Variants in ADCY9 observed in about 807,000 individuals in gnomAD.
ADCY9 encodes adenylate cyclase 9, also known as adenylate cyclase type 9.
ADCY9 carries 50 observed loss-of-function variants against 101.5 expected under a neutral mutation model. The ratio of observed to expected loss-of-function variants is 0.49; its 90% CI spans 0.39 to 0.62. The LOEUF is 0.62. Ranked by LOEUF, ADCY9 falls within the 20% of genes least tolerant of loss-of-function variation. The pLI is 0.00. For synonymous variants in ADCY9, 905 were observed against 769.3 expected (o/e 1.18, Z -2.92); for missense variants, 1,662 against 1,800.4 (o/e 0.92, Z 1.39).
At chr16:4,042,207 G>C (rs112939773) in intron 2 of ADCY9, among the ~76,000 whole-genome samples, 2,183 of 152,140 alleles carry the variant, frequency 0.014, 28 homozygotes, top group African/African-American at 0.026. Context: ...ACAAGCGTGA[G>C]CCACGGCGCC....
intron 10 of ADCY9, among the ~76,000 whole-genome samples, chr16:3,967,482 C>A (rs2056009606): frequency 6.6e-6 from 1 of 151,976 alleles, no homozygotes; most frequent in African/African-American, 2.4e-5. Flanking sequence ...CCTTAAACTC[C>A]TGGGCTCAAA....
intron 2 of ADCY9, among the ~76,000 whole-genome samples, chr16:4,068,650 TAA>T (rs543931236): frequency 1.7e-3 from 261 of 151,840 alleles, no homozygotes; most frequent in African/African-American, 6.1e-3. Flanking sequence ...CCGTCTCTAC[TAA>T]AAATACAAAA....
chr16:4,094,480 A>C (rs2056990958), intron 2 of ADCY9, among the ~76,000 whole-genome samples: 1 of 152,150 alleles, frequency 6.6e-6, no homozygotes, highest in African/African-American at 2.4e-5. Flanking sequence ...GGATAAGAAA[A>C]CCATGGAGGA....
chr16:3,954,962 G>A (rs920325054), intron 5 of ADCY9, among the ~76,000 whole-genome samples: 1 of 152,098 alleles, frequency 6.6e-6, no homozygotes, highest in Non-Finnish European at 1.5e-5. Context: ...CTCAAAGCAC[G>A]CAGGTCTGAG....
intron 2 of ADCY9, among the ~76,000 whole-genome samples, chr16:4,093,314 T>G (rs2056984464): frequency 1.3e-5 from 2 of 152,212 alleles, no homozygotes; most frequent in African/African-American, 4.8e-5. Flanking sequence ...AGCTCTCTAT[T>G]AAGGATCTGG....
intron 2 of ADCY9, among the ~76,000 whole-genome samples, chr16:4,045,865 CTTTCTTTTTT>C (rs1202748219): frequency 0.063 from 6,987 of 111,274 alleles, 583 homozygotes; most frequent in African/African-American, 0.21. Flanking sequence ...TGCTTTTTTT[CTTTCTTTTTT>C]TTTTTTTTTT....
At chr16:4,023,938 G>A (rs2141743845) in intron 2 of ADCY9, among the ~76,000 whole-genome samples, 1 of 152,228 alleles carries the variant, frequency 6.6e-6, no homozygotes. Flanking sequence ...TGACTTACAT[G>A]CTAGGCACAC....
chr16:3,963,143 T>TATATATATAGATATATATATATATAC lies in ADCY9; in HGVS notation c.*2631_*2632insGTATATATATATATATCTATATATAT, dbSNP rs1555504954. The stretch of plus-strand genomic sequence containing the variant: ...ATATATATATATATATATATATATA[T>TATATATATAGATATATATATATATAC]GGATATATAATTCGATCTGAGCTGG... On this transcript the variant is annotated 3_prime_UTR_variant, in exon 11 of 11. Transcript: ENST00000294016. The TATATATATAGATATATATATATATAC allele has an allele frequency of 6.4e-6, 1 of 157,108 alleles. No homozygotes were observed. The highest frequency in any genetic ancestry group is 1.2e-5 in the Non-Finnish European group (1 of 85,168). 9.7% of individuals were successfully genotyped at this position (157,108 alleles called of 1,614,324 possible). A position where few individuals can be genotyped will look rare whatever the true frequency, so the allele number is the denominator to read the frequency against.
At chr16:4,092,280 CA>C (rs2056978575) in intron 2 of ADCY9, among the ~76,000 whole-genome samples, 1 of 152,060 alleles carries the variant, frequency 6.6e-6, no homozygotes, top group African/African-American at 2.4e-5. Context: ...AAAAAACAAA[CA>C]AACAAAAGAA....
At chr16:4,079,203 G>T (rs528563914) in intron 2 of ADCY9, among the ~76,000 whole-genome samples, 2 of 152,094 alleles carry the variant, frequency 1.3e-5, no homozygotes, top group African/African-American at 2.4e-5. Flanking sequence ...TCCAACAAGA[G>T]ATATTTCCTG....
At chr16:4,093,213 T>G (rs1404797914) in intron 2 of ADCY9, among the ~76,000 whole-genome samples, 1 of 152,216 alleles carries the variant, frequency 6.6e-6, no homozygotes, top group East Asian at 1.9e-4. Flanking sequence ...TTCAGAAAAC[T>G]CAACCATCCA....
chr16:4,101,885 C>T (rs957997876), intron 2 of ADCY9, among the ~76,000 whole-genome samples: 6 of 152,136 alleles, frequency 3.9e-5, no homozygotes, highest in South Asian at 4.1e-4. Flanking sequence ...AGCCTAGGAA[C>T]GAGCCTGCTG....
chr16:3,987,401 C>T (rs554026474), intron 6 of ADCY9, among the ~76,000 whole-genome samples: 1 of 152,218 alleles, frequency 6.6e-6, no homozygotes. Context: ...AGAAGCGGCC[C>T]GGACGCCTGG....
intron 10 of ADCY9, among the ~76,000 whole-genome samples, chr16:3,970,784 C>A (rs557087466): frequency 1.3e-3 from 191 of 152,346 alleles, no homozygotes; most frequent in Admixed American, 3.9e-3. Flanking sequence ...CCCCTGGGCC[C>A]CATCCTGGCT....
chr16:4,090,216 A>G (rs2056964900), intron 2 of ADCY9, among the ~76,000 whole-genome samples: 2 of 152,078 alleles, frequency 1.3e-5, no homozygotes, highest in African/African-American at 4.8e-5. Context: ...AGCCCAACTT[A>G]GCAAATACAG....
rs1047071137 is a variant in ADCY9 at position 4,043,868 on chromosome 16, T to C, written c.1694-36310A>G. Reference sequence around the variant, plus strand: ...AAAGAGAAGGAGAAGAAAAGTTCATTAAAAAATAACATCACTAGGAACTCT... The same window carrying C: ...AAAGAGAAGGAGAAGAAAAGTTCATCAAAAAATAACATCACTAGGAACTCT... On this transcript the variant is annotated intron_variant, in intron 2 of 10. Coordinates refer to ENST00000294016, the MANE Select transcript of ADCY9 (RefSeq NM_001116.4). 2.0e-5 allele frequency among the ~76,000 whole-genome samples: 3 copies of C among 152,146 alleles called. No homozygotes were observed. The South Asian group carries it at 6.2e-4, about 32-fold the overall frequency.
At chr16:4,087,161 A>G (rs2056944272) in intron 2 of ADCY9, among the ~76,000 whole-genome samples, 1 of 151,908 alleles carries the variant, frequency 6.6e-6, no homozygotes, top group Non-Finnish European at 1.5e-5. Flanking sequence ...TGCACCCCTC[A>G]TGAAGCAGGG....
intron 2 of ADCY9, among the ~76,000 whole-genome samples, chr16:4,032,512 T>G (rs1411065335): frequency 5.3e-5 from 2 of 37,828 alleles, no homozygotes; most frequent in African/African-American, 1.2e-4. Flanking sequence ...TATCACACAA[T>G]TTTTTTTTTT....
intron 2 of ADCY9, among the ~76,000 whole-genome samples, chr16:4,063,953 A>G (rs1597203311): frequency 6.6e-6 from 1 of 152,326 alleles, no homozygotes; most frequent in African/African-American, 2.4e-5. Flanking sequence ...ATCCAGAACA[A>G]TAAGGCAGGA....
Sources: allele counts gnomAD v4.1 joint callset (sites outside exome capture counted in the v4.1 genomes callset), GRCh38; gene constraint gnomAD v4.1.1; transcripts MANE v1.5; gene names NCBI Gene and HGNC (gene_info 2026-07-23, HGNC 2026-07-21).